GPHN: variants seen among roughly 807,000 people sequenced by gnomAD.
GPHN encodes the protein gephyrin.
GPHN carries 17 observed loss-of-function variants against 95.5 expected under a neutral mutation model. The ratio of observed to expected loss-of-function variants is 0.18; its 90% CI spans 0.12 to 0.27. The LOEUF is 0.27. Among genes scored for constraint, GPHN ranks in the 10% least tolerant of loss-of-function variants. GPHN has a pLI of 1.00. For missense variants in GPHN, 660 were observed against 978.1 expected (o/e 0.67, Z 4.34); for synonymous variants, 320 against 322.5 (o/e 0.99, Z 0.08).
At chr14:67,663,803 C>T in the GPHN span, among the ~76,000 whole-genome samples, 1 of 152,184 alleles carries the variant, frequency 6.6e-6, no homozygotes, top group Non-Finnish European at 1.5e-5. Context: ...GGCATACAAG[C>T]ACCTTTTCTG....
chr14:67,701,179 G>C, the GPHN span, among the ~76,000 whole-genome samples: 1 of 151,878 alleles, frequency 6.6e-6, no homozygotes. Flanking sequence ...TGTGCAGCGA[G>C]GTATAGCACA....
intron 3 of GPHN, among the ~76,000 whole-genome samples, chr14:66,779,031 C>A (rs2059507160): frequency 6.6e-6 from 1 of 152,046 alleles, no homozygotes; most frequent in African/African-American, 2.4e-5. Context: ...GCATGAGCCA[C>A]TGCGCCCAGC....
At position 66,847,347 on chromosome 14, in the gene GPHN, T is replaced by C. The variant is rs112408149; in HGVS notation, c.294+22781T>C. On this transcript the variant is annotated intron_variant, in intron 4 of 22. Coordinates refer to ENST00000478722, the MANE Select transcript of GPHN (RefSeq NM_020806.5). ...GCAGAAAAAGCAGATTATGCCGATA[T>C]TTTAATAAGGTGGAATAAAGGAAAA... Among the ~76,000 whole-genome samples the C allele has an allele frequency of 1.5e-3, 231 of 152,264 alleles. 1 individual carries two copies. The highest frequency in any genetic ancestry group is 5.5e-3 in the African/African-American group (229 of 41,580).
At chr14:67,065,138 G>C (rs548457316) in intron 11 of GPHN, among the ~76,000 whole-genome samples, 2 of 152,062 alleles carry the variant, frequency 1.3e-5, no homozygotes, top group African/African-American at 4.8e-5. Context: ...TCATGTCTTC[G>C]TTCTCATTGG....
chr14:67,474,914 CTTTTTTT>C, the GPHN span, among the ~76,000 whole-genome samples: 1 of 124,958 alleles, frequency 8.0e-6, no homozygotes, highest in East Asian at 2.3e-4. Flanking sequence ...GAATTTCCTT[CTTTTTTT>C]TTTTTTTTTT....
At chr14:66,569,527 G>A (rs892906200) in intron 1 of GPHN, among the ~76,000 whole-genome samples, 5 of 152,098 alleles carry the variant, frequency 3.3e-5, no homozygotes, top group Non-Finnish European at 5.9e-5. Flanking sequence ...GCTGAGCATG[G>A]TGGGGGGCCC....
intron 5 of GPHN, among the ~76,000 whole-genome samples, chr14:66,905,383 T>C (rs2153551320): frequency 6.6e-6 from 1 of 152,296 alleles, no homozygotes; most frequent in Non-Finnish European, 1.5e-5. Context: ...TTTGAGCTCT[T>C]GGTTAGGGAG....
chr14:67,504,600 C>T, the GPHN span, among the ~76,000 whole-genome samples: 1 of 151,832 alleles, frequency 6.6e-6, no homozygotes, highest in Non-Finnish European at 1.5e-5. Context: ...AAATAAAAAA[C>T]AATAGGCCAT....
rs763770713 is a variant in GPHN, at chr14:66,717,409, AT to A, written c.143+36233del. ...ATATTTCTTCTTCACTTCTTATATC[AT>A]TTTTTTTTATTTCCTTGCATTGGGC... On this transcript the variant is annotated intron_variant, in intron 2 of 22. Transcript: ENST00000478722. 7.4e-5 allele frequency among the ~76,000 whole-genome samples: 11 copies of A among 149,638 alleles called. No individual in the cohort carries two copies. The South Asian group carries it at 1.7e-3, about 23-fold the overall frequency.
At chr14:67,562,001 G>A in the GPHN span, 10 of 1,613,764 alleles carry the variant, frequency 6.2e-6, no homozygotes, top group South Asian at 8.8e-5. Flanking sequence ...AGCGCCTGGT[G>A]GAGCAGGTGG....
chr14:67,632,808 A>AT, the GPHN span, among the ~76,000 whole-genome samples: 5,312 of 62,394 alleles, frequency 0.085, 1,022 homozygotes, highest in East Asian at 0.11. Flanking sequence ...AAGCCTCTTA[A>AT]TTTTTTTTTT....
intron 12 of GPHN, among the ~76,000 whole-genome samples, chr14:67,091,258 A>G (rs2077136290): frequency 6.6e-6 from 1 of 151,996 alleles, no homozygotes; most frequent in Admixed American, 6.6e-5. Context: ...TTAAATACCA[A>G]ATTCCCAATG....
At chr14:66,686,466 A>T (rs920226093) in intron 2 of GPHN, among the ~76,000 whole-genome samples, 16 of 152,158 alleles carry the variant, frequency 1.1e-4, no homozygotes, top group African/African-American at 3.9e-4. Flanking sequence ...GGTCCTTCAC[A>T]TCCCTTGTAA....
At chr14:67,359,583 T>C in the GPHN span, 1 of 1,528,594 alleles carries the variant, frequency 6.5e-7, no homozygotes, top group Non-Finnish European at 9.0e-7. Flanking sequence ...ACCCTCACTG[T>C]GGCCCAGGGT....
At chr14:67,198,272 G>T in the GPHN span, 7 of 1,613,920 alleles carry the variant, frequency 4.3e-6, no homozygotes, top group Non-Finnish European at 5.9e-6. Flanking sequence ...ATGGAGGAGA[G>T]TATGCCCCTT....
chr14:67,337,725 G>A, the GPHN span: 1 of 152,176 alleles, frequency 6.6e-6, no homozygotes, highest in African/African-American at 2.4e-5. Context: ...TCAGACACCT[G>A]ATGTGGCCAC....
At chr14:67,282,806 T>G in the GPHN span, among the ~76,000 whole-genome samples, 1 of 152,156 alleles carries the variant, frequency 6.6e-6, no homozygotes, top group Admixed American at 6.5e-5. Flanking sequence ...AACTACCTTG[T>G]GAGAGAAATC....
At chr14:66,862,609 C>G (rs1414377150) in intron 4 of GPHN, among the ~76,000 whole-genome samples, 1 of 151,912 alleles carries the variant, frequency 6.6e-6, no homozygotes, top group Non-Finnish European at 1.5e-5. Context: ...TACTAGCAAC[C>G]CAAATTCAAC....
At chr14:66,642,508 C>T (rs1056862541) in intron 1 of GPHN, among the ~76,000 whole-genome samples, 17 of 150,914 alleles carry the variant, frequency 1.1e-4, no homozygotes, top group African/African-American at 4.2e-4. Flanking sequence ...GAAGTAGAAT[C>T]TTTACTGAGC....
Sources: allele counts gnomAD v4.1 joint callset (sites outside exome capture counted in the v4.1 genomes callset), GRCh38; gene constraint gnomAD v4.1.1; transcripts MANE v1.5; gene names NCBI Gene and HGNC (gene_info 2026-07-23, HGNC 2026-07-21).